The following TEX11 variants were observed in gnomAD, a reference collection of about 807,000 sequenced individuals.
The protein encoded by TEX11 is testis-expressed protein 11.
In TEX11, 7 loss-of-function variants were observed where a neutral mutation model predicts 84.4. That is an observed-to-expected ratio of 0.08 (90% CI 0.05 to 0.16). The LOEUF is 0.16. Ranked by LOEUF, TEX11 falls within the 10% of genes least tolerant of loss-of-function variation. The pLI, the probability that TEX11 is intolerant of heterozygous loss-of-function variation, is 1.00. For missense variants in TEX11, 551 were observed against 660.5 expected (o/e 0.83, Z 1.82); for synonymous variants, 264 against 222.8 (o/e 1.18, Z -1.64).
chrX:70,720,398 T>A (rs2090548454), intron 13 of TEX11, among the ~76,000 whole-genome samples: 1 of 110,623 alleles, frequency 9.0e-6, no homozygotes, highest in African/African-American at 3.3e-5. Context: ...AGGGATAGCA[T>A]TAGGAGATAT....
At chrX:70,873,164 A>G (rs2091638047) in intron 4 of TEX11, 59 bp downstream of exon 4, 1 of 679,359 alleles carries the variant, frequency 1.5e-6, no homozygotes, top group Admixed American at 2.4e-5. Flanking sequence ...CTGCAGGAAT[A>G]CTACCCAATA....
At chrX:70,729,423 C>T (rs1414497836) in intron 11 of TEX11, among the ~76,000 whole-genome samples, 7 of 111,216 alleles carry the variant, frequency 6.3e-5, no homozygotes, top group Admixed American at 3.8e-4. Context: ...AAAAATTAGA[C>T]GAATGGCTAA....
intron 9 of TEX11, among the ~76,000 whole-genome samples, chrX:70,806,091 C>G (rs773405868): frequency 8.9e-6 from 1 of 111,895 alleles, no homozygotes; most frequent in African/African-American, 3.2e-5. Context: ...GCAACAACAA[C>G]AAAATTTTCT....
intron 13 of TEX11, among the ~76,000 whole-genome samples, chrX:70,713,770 C>G (rs1239888083): frequency 9.2e-6 from 1 of 109,171 alleles, no homozygotes; most frequent in East Asian, 2.8e-4. Context: ...TTTTTGAAGG[C>G]TTTTTTGTGT....
chrX:70,730,885 T>C (rs1265384190), intron 11 of TEX11, among the ~76,000 whole-genome samples: 2 of 111,746 alleles, frequency 1.8e-5, no homozygotes, highest in Non-Finnish European at 3.8e-5. Context: ...TATTCCAAAA[T>C]TGACCACATA....
At chrX:70,591,104 G>A (rs780185506) in intron 25 of TEX11, among the ~76,000 whole-genome samples, 60 of 111,994 alleles carry the variant, frequency 5.4e-4, no homozygotes, top group African/African-American at 1.8e-3. Context: ...TGATTGTGAA[G>A]ACTAGCCTAC....
chrX:70,701,234 A>G (rs1440210348), intron 13 of TEX11, among the ~76,000 whole-genome samples: 1 of 112,327 alleles, frequency 8.9e-6, no homozygotes, highest in African/African-American at 3.2e-5. Flanking sequence ...GAGAGAAGTC[A>G]ATACCTGGCT....
chrX:70,557,007 A>C (rs1361365197), intron 25 of TEX11, among the ~76,000 whole-genome samples: 5 of 109,348 alleles, frequency 4.6e-5, no homozygotes, highest in Non-Finnish European at 9.5e-5. Context: ...TATGTTGCCC[A>C]GGCTGGTCTC....
rs376047420 is a variant in TEX11, at chrX:70,554,791, G to A, written c.2150C>T (p.Ser717Leu). 12 of 1,200,983 alleles carry A rather than the reference G, an allele frequency of 1.0e-5. No homozygotes were observed. The highest frequency in any genetic ancestry group is 2.3e-5 in the Admixed American group (1 of 44,141). ...HNFLKQTGTF[S>L]NDSCEKLLLL... The stretch of plus-strand genomic sequence containing the variant: ...AAGCAATTTCTCACATGAATCATTT[G>A]AGAAGGTCCCTAAGAAAGAGGCAAA... Residue 717 changes from serine to leucine, a missense_variant, in exon 26 of 30, where the codon TCA becomes TTA. Coordinates refer to ENST00000374333, the MANE Select transcript of TEX11 (RefSeq NM_031276.3).
chrX:70,643,668 G>A (rs1244619523), intron 17 of TEX11, among the ~76,000 whole-genome samples: 159 of 106,096 alleles, frequency 1.5e-3, no homozygotes, highest in Middle Eastern at 4.9e-3. Flanking sequence ...CAAGCAATGG[G>A]GAAAGGATTC....
chrX:70,780,188 C>T (rs1230953767), intron 9 of TEX11, among the ~76,000 whole-genome samples: 1 of 111,413 alleles, frequency 9.0e-6, no homozygotes, highest in Non-Finnish European at 1.9e-5. Context: ...ACAGGAGAAT[C>T]GCTTGAACCT....
At chrX:70,709,552 T>C (rs907138955) in intron 13 of TEX11, among the ~76,000 whole-genome samples, 2 of 111,578 alleles carry the variant, frequency 1.8e-5, no homozygotes, top group African/African-American at 6.5e-5. Flanking sequence ...TATCATATCT[T>C]AGAGCCAAAC....
At chrX:70,565,810 T>C (rs1390240187) in intron 25 of TEX11, among the ~76,000 whole-genome samples, 2 of 111,745 alleles carry the variant, frequency 1.8e-5, no homozygotes, top group African/African-American at 6.5e-5. Context: ...ACTGTAGCCT[T>C]GTAGTATAGT....
At chrX:70,739,666 T>A (rs1026292730) in intron 11 of TEX11, among the ~76,000 whole-genome samples, 5 of 111,663 alleles carry the variant, frequency 4.5e-5, no homozygotes, top group African/African-American at 1.3e-4. Flanking sequence ...TGCCTCAGCC[T>A]CCCAAAGTGC....
At chrX:70,887,498 G>A (rs2091715986) in intron 2 of TEX11, among the ~76,000 whole-genome samples, 1 of 112,137 alleles carries the variant, frequency 8.9e-6, no homozygotes, top group Non-Finnish European at 1.9e-5. Context: ...GGGGAAAAAG[G>A]AGGGAAGAGT....
At chrX:70,639,217 TA>T (rs778818333) in intron 17 of TEX11, among the ~76,000 whole-genome samples, 17 of 111,764 alleles carry the variant, frequency 1.5e-4, no homozygotes, top group African/African-American at 5.2e-4. Flanking sequence ...CTCACGGGCT[TA>T]AAAAACAGCG....
Position 70,827,791 on chromosome X carries a change from C to G in TEX11, c.606+5722G>C, listed in dbSNP as rs373756851. Among the ~76,000 whole-genome samples, 108 of 111,987 alleles carry G rather than the reference C, an allele frequency of 9.6e-4. No homozygotes were observed. The South Asian group carries it at 0.015, about 15-fold the overall frequency. On this transcript the variant is annotated intron_variant, in intron 8 of 29. Coordinates refer to ENST00000374333, the MANE Select transcript of TEX11 (RefSeq NM_031276.3). ...TCCCAGAGAGCATCTTTGGACACAC[C>G]TGGGTTGTGGGGGAACTCACCATCC...
intron 15 of TEX11, among the ~76,000 whole-genome samples, chrX:70,671,271 C>G (rs982027753): frequency 5.4e-5 from 6 of 111,381 alleles, no homozygotes; most frequent in Non-Finnish European, 1.1e-4. Flanking sequence ...TGCTTATAAA[C>G]CAAGGTAAGG....
intron 25 of TEX11, among the ~76,000 whole-genome samples, chrX:70,560,338 T>A (rs1160795373): frequency 1.8e-5 from 2 of 110,111 alleles, no homozygotes; most frequent in African/African-American, 3.3e-5. Flanking sequence ...TTAGTAGAGA[T>A]GGGGTTTCTC....
Sources: gnomAD v4.1 joint callset for allele counts (sites outside exome capture counted in the v4.1 genomes callset) on GRCh38, gnomAD v4.1.1 for gene constraint, MANE v1.5 for transcripts, NCBI Gene and HGNC (gene_info 2026-07-23, HGNC 2026-07-21) for gene names.